The following GBF1 variants were observed in gnomAD, a reference collection of about 807,000 sequenced individuals.
GBF1 encodes golgi brefeldin A resistant guanine nucleotide exchange factor 1, also known as Golgi-specific brefeldin A-resistance guanine nucleotide exchange factor 1.
Under a neutral mutation model 210.5 loss-of-function variants are expected in GBF1, and 114 were observed. The observed-to-expected ratio is 0.54, with a 90% CI of 0.47 to 0.63. GBF1 has a LOEUF of 0.63. Ranked by LOEUF, GBF1 falls within the 30% of genes least tolerant of loss-of-function variation. GBF1 has a pLI of 0.00. For missense variants in GBF1, 1,851 were observed against 2,357.7 expected, an observed-to-expected ratio of 0.79 and a Z score of 4.45; for synonymous variants, 850 against 889.2, an observed-to-expected ratio of 0.96 and a Z score of 0.78.
intron 33 of GBF1, 52 bp downstream of exon 33, chr10:102,377,192 GC>G: frequency 6.8e-7 from 1 of 1,481,148 alleles, no homozygotes; most frequent in South Asian, 1.1e-5. Flanking sequence ...GATACTGGGA[GC>G]CTGGGGCGGC....
intron 3 of GBF1, among the ~76,000 whole-genome samples, chr10:102,273,842 G>C (rs962511935): frequency 6.6e-6 from 1 of 152,134 alleles, no homozygotes; most frequent in Admixed American, 6.5e-5. Flanking sequence ...TCTTCCCCAA[G>C]GAAATAAGAA....
At chr10:102,306,245 A>G (rs2077859908) in intron 3 of GBF1, among the ~76,000 whole-genome samples, 2 of 152,280 alleles carry the variant, frequency 1.3e-5, no homozygotes, top group Middle Eastern at 3.4e-3. Context: ...ACAGCTCTAA[A>G]TTCTGTTATT....
rs1166290860 is a variant in GBF1, at chr10:102,315,483, T to G, written c.164-28568T>G. ...CAACCTTTTCAGCACCAGGGACTGG[T>G]TTCATGGCAGACCATTTTTCCACAG... On this transcript the variant is annotated intron_variant, in intron 3 of 39. Coordinates refer to ENST00000369983, the MANE Select transcript of GBF1 (RefSeq NM_001377137.1). Among the ~76,000 whole-genome samples the G allele has an allele frequency of 2.6e-5, 4 of 152,090 alleles. No homozygotes were observed. The East Asian group carries it at 7.7e-4, about 29-fold the overall frequency.
chr10:102,351,275 A>G lies in GBF1; in HGVS notation c.315A>G (p.Thr105=), dbSNP rs752597013. ...YALIDPTHEG[T]AEGMENMADA... Reference sequence around the variant, plus strand: ...GAGCAGATCCCACCCATGAGGGCACAGCAGAGGGCATGGAGAACATGGCAG... The same window carrying G: ...GAGCAGATCCCACCCATGAGGGCACGGCAGAGGGCATGGAGAACATGGCAG... Residue 105 remains threonine, a synonymous_variant, in exon 5 of 40, where the codon ACA becomes ACG. Coordinates refer to ENST00000369983, the MANE Select transcript of GBF1 (RefSeq NM_001377137.1). 92 of 1,600,290 alleles carry G rather than the reference A, an allele frequency of 5.7e-5. No individual in the cohort carries two copies. The highest frequency in any genetic ancestry group is 7.6e-5 in the Non-Finnish European group (89 of 1,167,436).
Position 102,380,368 on chromosome 10 carries a change from T to C in GBF1, c.4992+6T>C, listed in dbSNP as rs1394781727. 1 of 1,605,168 alleles carries C rather than the reference T, an allele frequency of 6.2e-7. No individual in the cohort carries two copies. Among genetic ancestry groups the C allele is most frequent in the Non-Finnish European group, 8.5e-7 (1 of 1,171,976 alleles). On this transcript the variant is annotated splice_donor_region_variant and intron_variant, in intron 37 of 39. Coordinates refer to ENST00000369983, the MANE Select transcript of GBF1 (RefSeq NM_001377137.1). ...CAGGCTCCAGCGACTTACTGGTATG[T>C]TCTACCTCAGCTCTGCTGCCTGCCT...
the GBF1 span, chr10:102,232,091 C>T: frequency 2.6e-6 from 4 of 1,551,388 alleles, no homozygotes; most frequent in Non-Finnish European, 1.8e-6. Flanking sequence ...GGAGGGAGGG[C>T]TCTGGAGGCG....
chr10:102,284,208 A>G (rs766596028), intron 3 of GBF1, among the ~76,000 whole-genome samples: 10 of 152,148 alleles, frequency 6.6e-5, no homozygotes, highest in Non-Finnish European at 1.3e-4. Flanking sequence ...TTAGAAAAAT[A>G]AAGTCAAATT....
At chr10:102,269,249 G>A (rs1019186615) in intron 3 of GBF1, among the ~76,000 whole-genome samples, 9 of 152,318 alleles carry the variant, frequency 5.9e-5, no homozygotes, top group Middle Eastern at 3.4e-3. Flanking sequence ...TTACTTGCCC[G>A]TTTGTGGAAC....
upstream of GBF1, among the ~76,000 whole-genome samples, chr10:102,244,782 T>C (rs2070677703): frequency 6.6e-6 from 1 of 152,184 alleles, no homozygotes; most frequent in African/African-American, 2.4e-5. Flanking sequence ...GTCTCTCTGC[T>C]CTGCTATTTA....
chr10:102,244,235 T>C (rs2070644189), upstream of GBF1, among the ~76,000 whole-genome samples: 1 of 152,218 alleles, frequency 6.6e-6, no homozygotes, highest in Non-Finnish European at 1.5e-5. Flanking sequence ...TACTTTCCTA[T>C]GTGGTTAGTT....
At chr10:102,233,304 CT>C in the GBF1 span, among the ~76,000 whole-genome samples, 983 of 107,802 alleles carry the variant, frequency 9.1e-3, 8 homozygotes, top group African/African-American at 0.034. Context: ...TTTTTTCCTT[CT>C]TTTTTTTTTT....
intron 6 of GBF1, 120 bp downstream of exon 6, chr10:102,352,071 C>A: frequency 1.4e-6 from 1 of 693,246 alleles, no homozygotes. Flanking sequence ...CTATCTCATG[C>A]GATCATAGGG....
At chr10:102,343,076 C>T (rs1335001147) in intron 3 of GBF1, among the ~76,000 whole-genome samples, 2 of 152,196 alleles carry the variant, frequency 1.3e-5, no homozygotes, top group Non-Finnish European at 2.9e-5. Flanking sequence ...GCCCCTTCAT[C>T]TCAGAGCAGT....
chr10:102,291,680 A>C (rs904748954), intron 3 of GBF1, among the ~76,000 whole-genome samples: 1 of 152,264 alleles, frequency 6.6e-6, no homozygotes, highest in African/African-American at 2.4e-5. Flanking sequence ...CTTCCTAAGT[A>C]AGAAGTGGAA....
At chr10:102,347,599 G>C (rs1242121485) in intron 4 of GBF1, among the ~76,000 whole-genome samples, 1 of 152,198 alleles carries the variant, frequency 6.6e-6, no homozygotes, top group African/African-American at 2.4e-5. Context: ...GGTTATTGCA[G>C]TGGGCATGAG....
chr10:102,316,162 C>T (rs780615132), intron 3 of GBF1, among the ~76,000 whole-genome samples: 24 of 149,266 alleles, frequency 1.6e-4, no homozygotes, highest in Non-Finnish European at 3.1e-4. Context: ...TATCAGCTCA[C>T]TGCAACCTCT....
intron 3 of GBF1, among the ~76,000 whole-genome samples, chr10:102,261,342 G>C (rs959223423): frequency 6.6e-6 from 1 of 152,072 alleles, no homozygotes; most frequent in African/African-American, 2.4e-5. Flanking sequence ...AGGGGATGTA[G>C]ATACAGACTG....
chr10:102,345,646 C>CAAAAAA (rs59037566), intron 4 of GBF1, among the ~76,000 whole-genome samples: 1 of 18,006 alleles, frequency 5.6e-5, no homozygotes. Flanking sequence ...GACTCCGTCT[C>CAAAAAA]AAAAAAAAAA....
chr10:102,381,346 A>G, intron 39 of GBF1, 91 bp downstream of exon 39: 1 of 1,348,988 alleles, frequency 7.4e-7, no homozygotes. Flanking sequence ...GCTGCTGAGC[A>G]GGGTCTGTGA....
Sources: gnomAD v4.1 joint callset for allele counts (sites outside exome capture counted in the v4.1 genomes callset) on GRCh38, gnomAD v4.1.1 for gene constraint, MANE v1.5 for transcripts, NCBI Gene and HGNC (gene_info 2026-07-23, HGNC 2026-07-21) for gene names.